The following PNKD variants were observed in gnomAD, a reference collection of about 807,000 sequenced individuals.
PNKD encodes PNKD metallo-beta-lactamase domain containing.
Under a neutral mutation model 45.3 loss-of-function variants are expected in PNKD, and 36 were observed. The observed-to-expected ratio is 0.80, with a 90% CI of 0.61 to 1.05. The LOEUF is 1.05. PNKD is among the 50% of genes least tolerant of loss of function. The probability of loss-of-function intolerance (pLI) is 0.00; values close to 1 mark genes in which losing one functional copy is unlikely to be tolerated. For synonymous variants in PNKD, 197 were observed against 210.1 expected, an observed-to-expected ratio of 0.94 and a Z score of 0.54; for missense variants, 511 against 506.6, an observed-to-expected ratio of 1.01 and a Z score of -0.08.
rs554148467 is a variant in PNKD, at chr2:218,341,592, G to A, written c.583G>A (p.Gly195Arg). The A allele has an allele frequency of 1.0e-5, 16 of 1,593,886 alleles. No homozygotes were observed. The highest frequency in any genetic ancestry group is 6.9e-5 in the East Asian group (3 of 43,620). ...SRRHRDCRVY[G>R]SPQDGIPYLT... is the part of the protein sequence containing the mutation. ...GCGGCACCGGGACTGTCGGGTGTACGGGAGCCCTCAGGACGGCATCCCCTA... is the reference window on the plus strand; with the variant it reads ...GCGGCACCGGGACTGTCGGGTGTACAGGAGCCCTCAGGACGGCATCCCCTA... Residue 195 changes from glycine to arginine, a missense_variant, in exon 6 of 10, where the codon GGG becomes AGG. Gly to Arg is a moderately radical substitution (Grantham distance 125). Coordinates refer to ENST00000273077, the MANE Select transcript of PNKD (RefSeq NM_015488.5).
intron 2 of PNKD, among the ~76,000 whole-genome samples, chr2:218,296,267 T>C (rs1036815604): frequency 1.3e-5 from 2 of 152,262 alleles, no homozygotes; most frequent in Admixed American, 1.3e-4. Flanking sequence ...TGGTTGTATT[T>C]TTCCAGCAAC....
At chr2:218,276,709 C>T (rs959793883) in intron 2 of PNKD, among the ~76,000 whole-genome samples, 2 of 152,252 alleles carry the variant, frequency 1.3e-5, no homozygotes, top group African/African-American at 4.8e-5. Flanking sequence ...CAGTCTGCCT[C>T]CGAGAACCTG....
At chr2:218,277,576 C>T (rs1273215513) in intron 2 of PNKD, 1 of 1,612,156 alleles carries the variant, frequency 6.2e-7, no homozygotes, top group Non-Finnish European at 8.5e-7. Context: ...GGCCCAGGAA[C>T]ACCCCACTCC....
Position 218,280,070 on chromosome 2 carries a change from C to T in PNKD, c.236+8521C>T, listed in dbSNP as rs1395649901. 5 of 1,614,162 alleles carry T rather than the reference C, an allele frequency of 3.1e-6. No homozygotes were observed. The highest frequency in any genetic ancestry group is 3.4e-6 in the Non-Finnish European group (4 of 1,179,988). On this transcript the variant is annotated intron_variant, in intron 2 of 9. Transcript: ENST00000273077. ...CGCACTTTCCGGTCATCCCACTCTC[C>T]AGGCCCGAAGCTATCACTCACTGCT... is the stretch of plus-strand genomic sequence containing the variant.
intron 2 of PNKD, chr2:218,275,310 C>T: frequency 1.2e-6 from 1 of 868,104 alleles, no homozygotes; most frequent in Non-Finnish European, 1.6e-6. Context: ...CAAGTACCCA[C>T]ACATCCATAG....
chr2:218,281,883 A>T (rs1692040121), intron 2 of PNKD: 17 of 1,415,886 alleles, frequency 1.2e-5, no homozygotes, highest in Non-Finnish European at 1.7e-5. Flanking sequence ...CGGTGGCCTC[A>T]TCTGCTCCAA....
intron 2 of PNKD, among the ~76,000 whole-genome samples, chr2:218,332,714 T>A (rs749372030): frequency 1.6e-4 from 22 of 134,744 alleles, no homozygotes; most frequent in Non-Finnish European, 6.3e-5. Flanking sequence ...TCCAGGCCCC[T>A]GTCTCTCTCC....
Position 218,340,190 on chromosome 2 carries a change from TG to T in PNKD, c.465+51del. 1.7e-6 allele frequency: 2 copies of T among 1,204,066 alleles called. No homozygotes were observed. The highest frequency in any genetic ancestry group is 2.5e-6 in the Non-Finnish European group (2 of 811,062). 74.6% of individuals were successfully genotyped at this position (1,204,066 alleles called of 1,614,324 possible). A position where few individuals can be genotyped will look rare whatever the true frequency, so the allele number is the denominator to read the frequency against. On this transcript the variant is annotated intron_variant, in intron 4 of 9. Transcript: ENST00000273077. The surrounding 1 kb of genome is among the most constrained non-coding windows in gnomAD (Gnocchi z 4.2). ...GGGTGCCTGGAGTCACCTTGGGGAC[TG>T]GCAGTTTCGCCTTGCTAGAGAGGGC...
intron 2 of PNKD, among the ~76,000 whole-genome samples, chr2:218,333,182 C>T (rs927549606): frequency 6.6e-6 from 1 of 152,186 alleles, no homozygotes; most frequent in African/African-American, 2.4e-5. Context: ...TCCCTTTCCC[C>T]ACATTACAAG....
At chr2:218,286,954 C>A (rs1348039563) in intron 2 of PNKD, 1 of 152,252 alleles carries the variant, frequency 6.6e-6, no homozygotes, top group Admixed American at 6.5e-5. Flanking sequence ...CTCCCTTTTC[C>A]TTTATCTGCC....
intron 2 of PNKD, among the ~76,000 whole-genome samples, chr2:218,299,902 T>C (rs2106251073): frequency 6.6e-6 from 1 of 152,282 alleles, no homozygotes; most frequent in Non-Finnish European, 1.5e-5. Flanking sequence ...ATTACAGGCG[T>C]GAGCCACCGC....
At chr2:218,305,717 C>T (rs1372793865) in intron 2 of PNKD, among the ~76,000 whole-genome samples, 1 of 152,116 alleles carries the variant, frequency 6.6e-6, no homozygotes, top group African/African-American at 2.4e-5. Flanking sequence ...CCCCTTCCGC[C>T]CCCACCATAG....
At chr2:218,278,015 C>T in intron 2 of PNKD, 2 of 1,611,522 alleles carry the variant, frequency 1.2e-6, no homozygotes, top group Non-Finnish European at 1.7e-6. Context: ...ACTTGGGGCC[C>T]CTCAGGCGTC....
At chr2:218,277,601 TC>T in intron 2 of PNKD, 1 of 1,614,074 alleles carries the variant, frequency 6.2e-7, no homozygotes, top group Non-Finnish European at 8.5e-7. Context: ...AATACACATT[TC>T]CCAAGAGTGG....
chr2:218,278,640 T>C, intron 2 of PNKD: 1 of 1,537,192 alleles, frequency 6.5e-7, no homozygotes, highest in Non-Finnish European at 9.0e-7. Flanking sequence ...GGCCAGTGAT[T>C]TGGGGCCCAA....
chr2:218,343,887 AG>A (rs1694753903), intron 8 of PNKD, among the ~76,000 whole-genome samples: 3 of 152,396 alleles, frequency 2.0e-5, no homozygotes, highest in Admixed American at 2.0e-4. Flanking sequence ...GCCTTAGCCC[AG>A]AACAGAAAAT....
intron 2 of PNKD, among the ~76,000 whole-genome samples, chr2:218,306,919 ACT>A (rs1267752486): frequency 3.9e-5 from 6 of 152,168 alleles, no homozygotes; most frequent in Non-Finnish European, 8.8e-5. Context: ...ATCCCAATAA[ACT>A]CATCCTAAAT....
chr2:218,324,289 A>G (rs1046935521), intron 2 of PNKD, among the ~76,000 whole-genome samples: 4 of 152,118 alleles, frequency 2.6e-5, no homozygotes, highest in African/African-American at 9.7e-5. Context: ...AGGGACAGTA[A>G]TGTTGGGGAT....
intron 2 of PNKD, among the ~76,000 whole-genome samples, chr2:218,290,543 C>G (rs1692866690): frequency 6.6e-6 from 1 of 152,218 alleles, no homozygotes; most frequent in African/African-American, 2.4e-5. Flanking sequence ...CTCCCCTTCC[C>G]CCATTCCACA....
Sources: gnomAD v4.1 joint callset for allele counts (sites outside exome capture counted in the v4.1 genomes callset) on GRCh38, gnomAD v4.1.1 for gene constraint, Gnocchi (gnomAD v3.1) non-coding constraint, MANE v1.5 for transcripts, NCBI Gene and HGNC (gene_info 2026-07-23, HGNC 2026-07-21) for gene names.